KCTD8: variants seen among roughly 807,000 people sequenced by gnomAD.
KCTD8 encodes potassium channel tetramerization domain containing 8.
A neutral mutation model predicts 31.5 loss-of-function variants in KCTD8; 27 were observed. The ratio of observed to expected loss-of-function variants is 0.86; its 90% CI spans 0.63 to 1.18. The LOEUF (loss-of-function observed/expected upper bound fraction) is 1.18. Ranked by LOEUF, KCTD8 falls within the 50% of genes most tolerant of loss-of-function variation. The probability of loss-of-function intolerance (pLI) is 0.00; values close to 1 mark genes in which losing one functional copy is unlikely to be tolerated. For missense variants in KCTD8, 658 were observed against 647.7 expected (o/e 1.02, Z -0.17); for synonymous variants, 290 against 280.0 (o/e 1.04, Z -0.36).
At chr4:44,335,111 G>GA (rs1718690787) in intron 1 of KCTD8, among the ~76,000 whole-genome samples, 1 of 152,086 alleles carries the variant, frequency 6.6e-6, no homozygotes. Context: ...AAGTTAGGAT[G>GA]AAAAGTTACA....
At chr4:44,297,620 C>T (rs1349431290) in intron 1 of KCTD8, among the ~76,000 whole-genome samples, 1 of 152,090 alleles carries the variant, frequency 6.6e-6, no homozygotes, top group African/African-American at 2.4e-5. Flanking sequence ...TGAGTAGAGG[C>T]TGTGAATATT....
intron 1 of KCTD8, among the ~76,000 whole-genome samples, chr4:44,282,174 A>T (rs1716921291): frequency 6.6e-6 from 1 of 151,906 alleles, no homozygotes; most frequent in Admixed American, 6.6e-5. Context: ...GCAACCTTGC[A>T]TCAAGCAAGA....
intron 1 of KCTD8, among the ~76,000 whole-genome samples, chr4:44,235,576 T>TAA (rs1560402134): frequency 3.5e-5 from 2 of 56,890 alleles, no homozygotes; most frequent in African/African-American, 1.8e-4. Context: ...TATATATATA[T>TAA]TTAGAGAGAG....
At chr4:44,326,065 A>G (rs1718436150) in intron 1 of KCTD8, among the ~76,000 whole-genome samples, 1 of 151,978 alleles carries the variant, frequency 6.6e-6, no homozygotes, top group Admixed American at 6.6e-5. Context: ...TGTTGTGTGG[A>G]ACACATATCC....
chr4:44,272,752 T>G (rs1275599880), intron 1 of KCTD8, among the ~76,000 whole-genome samples: 1 of 152,042 alleles, frequency 6.6e-6, no homozygotes, highest in Non-Finnish European at 1.5e-5. Context: ...AGGGAGACAA[T>G]GATGAGTGAG....
chr4:44,399,837 T>C (rs1382102773), intron 1 of KCTD8, among the ~76,000 whole-genome samples: 2 of 152,130 alleles, frequency 1.3e-5, no homozygotes, highest in Admixed American at 6.6e-5. Flanking sequence ...CCAATTCCAA[T>C]AGGGATAAAT....
intron 1 of KCTD8, among the ~76,000 whole-genome samples, chr4:44,378,076 A>G (rs1719960772): frequency 6.6e-6 from 1 of 150,928 alleles, no homozygotes; most frequent in Non-Finnish European, 1.5e-5. Flanking sequence ...AAACCAGAAC[A>G]CATAGTTATT....
chr4:44,361,065 T>C (rs570797112), intron 1 of KCTD8, among the ~76,000 whole-genome samples: 15 of 151,656 alleles, frequency 9.9e-5, no homozygotes, highest in African/African-American at 3.6e-4. Context: ...CACAGTGAGA[T>C]TTTTTTTCTC....
At chr4:44,229,976 C>A (rs542331922) in intron 1 of KCTD8, among the ~76,000 whole-genome samples, 3 of 151,868 alleles carry the variant, frequency 2.0e-5, no homozygotes, top group Non-Finnish European at 2.9e-5. Context: ...CTCCCTCCCC[C>A]ACCCCCTGAC....
chr4:44,362,429 T>G (rs75535700), intron 1 of KCTD8, among the ~76,000 whole-genome samples: 1 of 152,122 alleles, frequency 6.6e-6, no homozygotes, highest in Admixed American at 6.6e-5. Context: ...ATCACAAAGA[T>G]AGTAAGCAGT....
At chr4:44,211,834 A>G (rs558252780) in intron 1 of KCTD8, among the ~76,000 whole-genome samples, 215 of 152,014 alleles carry the variant, frequency 1.4e-3, no homozygotes, top group Non-Finnish European at 2.7e-3. Context: ...CTGTATGTGT[A>G]TTTGTATATT....
intron 1 of KCTD8, among the ~76,000 whole-genome samples, chr4:44,307,443 G>A (rs1005706003): frequency 7.9e-5 from 12 of 151,846 alleles, no homozygotes; most frequent in African/African-American, 2.7e-4. Flanking sequence ...TTGCTCATGC[G>A]TGATCATTTT....
At chr4:44,329,214 A>G (rs944247142) in intron 1 of KCTD8, among the ~76,000 whole-genome samples, 1 of 151,402 alleles carries the variant, frequency 6.6e-6, no homozygotes, top group Non-Finnish European at 1.5e-5. Context: ...GTTTTTCTTG[A>G]AATCTGTTAT....
chr4:44,211,380 C>T (rs1424423318), intron 1 of KCTD8, among the ~76,000 whole-genome samples: 1 of 152,146 alleles, frequency 6.6e-6, no homozygotes, highest in Non-Finnish European at 1.5e-5. Flanking sequence ...AACATGAACA[C>T]ATATATAATA....
intron 1 of KCTD8, among the ~76,000 whole-genome samples, chr4:44,271,080 A>G (rs1156492433): frequency 6.6e-6 from 1 of 152,156 alleles, no homozygotes; most frequent in Non-Finnish European, 1.5e-5. Context: ...GCGTGAATTT[A>G]GGAGCCAATT....
At chr4:44,197,458 T>C (rs115635170) in intron 1 of KCTD8, among the ~76,000 whole-genome samples, 1,878 of 152,158 alleles carry the variant, frequency 0.012, 47 homozygotes, top group African/African-American at 0.043. Flanking sequence ...AACCACCGAG[T>C]ATGTCTATGA....
At chr4:44,368,688 T>A (rs531563129) in intron 1 of KCTD8, among the ~76,000 whole-genome samples, 13 of 152,162 alleles carry the variant, frequency 8.5e-5, no homozygotes, top group Non-Finnish European at 1.8e-4. Context: ...AAGTAAAAAG[T>A]AAGCCCAGAG....
At position 44,328,317 on chromosome 4, in the gene KCTD8, A is replaced by G. The variant is rs145987592; in HGVS notation, c.961+119246T>C. ...TGACAGCATGGGTAACCATGTCGTA[A>G]TTGACTTACTATATTTTTAAAGGAT... On this transcript the variant is annotated intron_variant, in intron 1 of 1. Transcript: ENST00000360029. 1.3e-4 allele frequency among the ~76,000 whole-genome samples: 20 copies of G among 152,040 alleles called. 1 individual carries two copies. The East Asian group carries it at 3.1e-3, about 23-fold the overall frequency.
chr4:44,283,076 G>A (rs573674036), intron 1 of KCTD8, among the ~76,000 whole-genome samples: 63 of 134,506 alleles, frequency 4.7e-4, no homozygotes, highest in Non-Finnish European at 8.8e-4. Flanking sequence ...TATTATTATT[G>A]AGACAGAGTC....
Sources: gnomAD v4.1 joint callset for allele counts (sites outside exome capture counted in the v4.1 genomes callset) on GRCh38, gnomAD v4.1.1 for gene constraint, MANE v1.5 for transcripts, NCBI Gene and HGNC (gene_info 2026-07-23, HGNC 2026-07-21) for gene names.